Variants in ACSBG1 observed in about 807,000 individuals in gnomAD.
ACSBG1 encodes the protein acyl-CoA synthetase bubblegum family member 1.
Under a neutral mutation model 80.2 loss-of-function variants are expected in ACSBG1, and 39 were observed. That is an observed-to-expected ratio of 0.49 (90% CI 0.38 to 0.64). ACSBG1 has a LOEUF of 0.64. ACSBG1 is among the 30% of genes least tolerant of loss of function. The probability of loss-of-function intolerance (pLI) is 0.00; values close to 1 mark genes in which losing one functional copy is unlikely to be tolerated. For synonymous variants in ACSBG1, 392 were observed against 379.5 expected, an observed-to-expected ratio of 1.03 and a Z score of -0.38; for missense variants, 828 against 966.4, an observed-to-expected ratio of 0.86 and a Z score of 1.90.
rs1315591139 is a variant in ACSBG1, at chr15:78,168,890, C to T, written c.*2554G>A. ...CTTGGTTTAGTTTAGTTTGCGGATA[C>T]ATCTTTTATTTTTGCTTTTTCCTTT... is the stretch of plus-strand genomic sequence containing the variant. On this transcript the variant is annotated 3_prime_UTR_variant, in exon 14 of 14. Transcript: ENST00000258873. 15 of 1,437,706 alleles carry T rather than the reference C, an allele frequency of 1.0e-5. No homozygotes were observed. Among genetic ancestry groups the T allele is most frequent in the Non-Finnish European group, 1.3e-5 (13 of 1,026,720 alleles). 89.1% of individuals were successfully genotyped at this position (1,437,706 alleles called of 1,614,324 possible).
chr15:78,226,240 GA>G (rs2075399492), intron 1 of ACSBG1, among the ~76,000 whole-genome samples: 1 of 151,980 alleles, frequency 6.6e-6, no homozygotes, highest in Non-Finnish European at 1.5e-5. Flanking sequence ...ATAAAAAAAA[GA>G]AATCCCACCA....
At chr15:78,204,220 C>G (rs1367504389) in intron 2 of ACSBG1, among the ~76,000 whole-genome samples, 3 of 151,524 alleles carry the variant, frequency 2.0e-5, no homozygotes, top group Admixed American at 6.6e-5. Context: ...AAGATGTTCT[C>G]TATACGCTTC....
intron 5 of ACSBG1, among the ~76,000 whole-genome samples, chr15:78,183,778 C>T (rs1013883399): frequency 2.9e-4 from 43 of 150,642 alleles, no homozygotes; most frequent in Non-Finnish European, 5.9e-5. Flanking sequence ...TGTGGTGGCT[C>T]ATGCCTGTGA....
At chr15:78,230,668 C>T (rs938160525) in intron 1 of ACSBG1, among the ~76,000 whole-genome samples, 1 of 152,178 alleles carries the variant, frequency 6.6e-6, no homozygotes, top group Non-Finnish European at 1.5e-5. Flanking sequence ...GTTCTCGTTA[C>T]AGTAAGTCGC....
intron 3 of ACSBG1, 53 bp downstream of exon 3, chr15:78,194,453 C>G: frequency 6.4e-7 from 1 of 1,562,886 alleles, no homozygotes; most frequent in Non-Finnish European, 8.8e-7. Context: ...AGGCCCAGAG[C>G]TGGGAGGCAC....
intron 2 of ACSBG1, among the ~76,000 whole-genome samples, chr15:78,205,305 C>G (rs2075203222): frequency 1.3e-5 from 2 of 152,128 alleles, no homozygotes; most frequent in South Asian, 4.1e-4. Flanking sequence ...GACCAGAGCT[C>G]AGGACCTCAA....
rs1034162451 is a variant in ACSBG1, at chr15:78,178,452, C to T, written c.1702+162G>A. Reference sequence around the variant, plus strand: ...TAGCTGGGATTACAGGTGCATGCCACCACGCCCAGCTAATTTTTCGTGTGT... The same window carrying T: ...TAGCTGGGATTACAGGTGCATGCCATCACGCCCAGCTAATTTTTCGTGTGT... On this transcript the variant is annotated intron_variant, in intron 11 of 13. Coordinates refer to ENST00000258873, the MANE Select transcript of ACSBG1 (RefSeq NM_015162.5). This position sits in a 1 kb window ranked among gnomAD's most constrained non-coding sequence, Gnocchi z 4.3. Among the ~76,000 whole-genome samples, 3 of 152,202 alleles carry T rather than the reference C, an allele frequency of 2.0e-5. No individual in the cohort carries two copies. The highest frequency in any genetic ancestry group is 7.2e-5 in the African/African-American group (3 of 41,448).
At chr15:78,182,206 A>G in intron 7 of ACSBG1, 61 bp from the exon 8 acceptor site, 2 of 1,566,156 alleles carry the variant, frequency 1.3e-6, no homozygotes, top group Non-Finnish European at 1.7e-6. Context: ...GGTGCTCACA[A>G]CTGTGGCCAC....
At position 78,194,579 on chromosome 15, in the gene ACSBG1, T is replaced by C. The variant is rs765173511; in HGVS notation, c.380A>G (p.Gln127Arg). The C allele has an allele frequency of 6.2e-7, 1 of 1,614,264 alleles. No homozygotes were observed. The highest frequency in any genetic ancestry group is 1.1e-5 in the South Asian group (1 of 91,088). The change falls in exon 3 of 14, where the codon CAG (glutamine) becomes CGG (arginine). Residue 127 changes from glutamine to arginine, a missense_variant. This residue lies in a region of ACSBG1 where 356 missense variants were observed against 363.5 expected (regional missense o/e 0.98). Transcript: ENST00000258873. ...GTAGGAGATGTGTTCCCACTTGTCC[T>C]GGCGCTTGAAGCCCAAAGCGATGAG... ...GDLIALGFKR[Q>R]DKWEHISYSQ...
At chr15:78,196,759 A>G (rs1482311301) in intron 2 of ACSBG1, among the ~76,000 whole-genome samples, 1 of 152,214 alleles carries the variant, frequency 6.6e-6, no homozygotes, top group Non-Finnish European at 1.5e-5. Context: ...CAGAGAGTAG[A>G]ATGCTATTCA....
intron 2 of ACSBG1, among the ~76,000 whole-genome samples, chr15:78,195,423 C>T (rs1159675684): frequency 1.3e-5 from 2 of 151,882 alleles, no homozygotes; most frequent in Non-Finnish European, 2.9e-5. Flanking sequence ...TACCTGATTC[C>T]ACAGCTCACA....
At chr15:78,207,925 A>ACCCCC in intron 2 of ACSBG1, 77 bp downstream of exon 2, 33 of 454,964 alleles carry the variant, frequency 7.3e-5, no homozygotes, top group East Asian at 3.0e-4. Context: ...GGTCCCCCAC[A>ACCCCC]CCACCCACCC....
chr15:78,220,666 T>C (rs1452135526), intron 1 of ACSBG1, among the ~76,000 whole-genome samples: 1 of 152,200 alleles, frequency 6.6e-6, no homozygotes, highest in Non-Finnish European at 1.5e-5. Flanking sequence ...AGGATTTGAA[T>C]AGACATTTCT....
At chr15:78,187,001 A>G (rs1415562927) in intron 5 of ACSBG1, among the ~76,000 whole-genome samples, 1 of 152,092 alleles carries the variant, frequency 6.6e-6, no homozygotes, top group South Asian at 2.1e-4. Flanking sequence ...TATCACCACC[A>G]ATCCCACAGA....
chr15:78,195,919 C>T (rs1175957228), intron 2 of ACSBG1, among the ~76,000 whole-genome samples: 2 of 152,174 alleles, frequency 1.3e-5, no homozygotes, highest in Non-Finnish European at 2.9e-5. Flanking sequence ...CTTGTTCCTC[C>T]TCTTTGACAC....
chr15:78,196,752 A>G, intron 2 of ACSBG1, among the ~76,000 whole-genome samples: 1 of 152,210 alleles, frequency 6.6e-6, no homozygotes, highest in East Asian at 1.9e-4. Flanking sequence ...ATGTGGTCAG[A>G]GAGTAGAATG....
intron 11 of ACSBG1, among the ~76,000 whole-genome samples, chr15:78,176,237 C>T (rs1595879219): frequency 6.6e-6 from 1 of 152,216 alleles, no homozygotes; most frequent in East Asian, 1.9e-4. Context: ...TTAGTGAATG[C>T]TTCTCCCCTG....
Position 78,193,936 on chromosome 15 carries a change from C to A in ACSBG1, c.538G>T (p.Ala180Ser). Residue 180 changes from alanine (A) to serine (S), a missense_variant, in exon 4 of 14, where the codon GCA becomes TCA. Around this residue, in one of 3 missense-constraint regions of ACSBG1, gnomAD observed 356 missense variants for 363.5 expected, o/e 0.98. Coordinates refer to ENST00000258873, the MANE Select transcript of ACSBG1 (RefSeq NM_015162.5). ...WFFSAVGTVF[A>S]GGIVTGIYTT... ...GTCCCTGCCCCCGCCACTCACCCTG[C>A]AAATACTGTGCCCACTGCCGAGAAG... The A allele has an allele frequency of 6.2e-7, 1 of 1,614,008 alleles. No individual in the cohort carries two copies. The highest frequency in any genetic ancestry group is 8.5e-7 in the Non-Finnish European group (1 of 1,179,988).
In ACSBG1 at chr15:78,178,723, G is replaced by A. The variant is rs760104537; in HGVS notation, c.1593C>T (p.Asn531=). The part of the protein sequence containing the change: ...WGRTIFMGYL[N]MEDKTCEAID... ...TGGCCTCACAAGTCTTGTCCTCCATGTTCAGGTAGCCCATGAATATGGTGC... is the reference window on the plus strand; with the variant it reads ...TGGCCTCACAAGTCTTGTCCTCCATATTCAGGTAGCCCATGAATATGGTGC... The change falls in exon 11 of 14, where the codon AAC becomes AAT. Residue 531 remains asparagine (N), a synonymous_variant. Transcript: ENST00000258873. This position sits in a 1 kb window ranked among gnomAD's most constrained non-coding sequence, Gnocchi z 4.3. 1 of 1,614,164 alleles carries A rather than the reference G, an allele frequency of 6.2e-7. No individual in the cohort carries two copies. Among genetic ancestry groups the A allele is most frequent in the Admixed American group, 1.7e-5 (1 of 60,020 alleles).
Sources: allele counts gnomAD v4.1 joint callset (sites outside exome capture counted in the v4.1 genomes callset), GRCh38; gene constraint gnomAD v4.1.1; regional missense constraint gnomAD v4.1.1; non-coding constraint Gnocchi (gnomAD v3.1); transcripts MANE v1.5; gene names NCBI Gene and HGNC (gene_info 2026-07-23, HGNC 2026-07-21).